The following NINJ2 variants were observed in gnomAD, a reference collection of about 807,000 sequenced individuals.
NINJ2 encodes the protein ninjurin-2.
NINJ2 carries 12 observed loss-of-function variants against 11.7 expected under a neutral mutation model. The ratio of observed to expected loss-of-function variants is 1.02; its 90% CI spans 0.66 to 1.66. The LOEUF (loss-of-function observed/expected upper bound fraction) is 1.66. NINJ2 is among the 40% of genes most tolerant of loss of function. The pLI is 0.00. For missense variants in NINJ2, 187 were observed against 181.8 expected (o/e 1.03, Z -0.16); for synonymous variants, 93 against 76.8 (o/e 1.21, Z -1.10).
In NINJ2 at chr12:658,101, C is replaced by G. The variant is rs1457284423; in HGVS notation, c.33+5227G>C. ...GCAACCTCCGCCTCCCGGGTTCAAG[C>G]GATTCTCCTGCCTTAGCCTCCCGAG... is the stretch of plus-strand genomic sequence containing the variant. On this transcript the variant is annotated intron_variant, in intron 1 of 3. Coordinates refer to ENST00000305108, the MANE Select transcript of NINJ2 (RefSeq NM_016533.6). 7.5e-5 allele frequency among the ~76,000 whole-genome samples: 11 copies of G among 147,280 alleles called. No individual in the cohort carries two copies. In the East Asian group the frequency reaches 1.6e-3, roughly 22 times the overall value.
At chr12:646,350 G>T (rs1285975467) in intron 1 of NINJ2, among the ~76,000 whole-genome samples, 4 of 152,200 alleles carry the variant, frequency 2.6e-5, no homozygotes, top group Admixed American at 2.6e-4. Flanking sequence ...CTGCAGGGAA[G>T]CTCTGTGGGG....
chr12:621,826 A>AAG (rs1176916627), intron 1 of NINJ2, among the ~76,000 whole-genome samples: 6 of 150,708 alleles, frequency 4.0e-5, no homozygotes, highest in African/African-American at 1.5e-4. Context: ...AGAAAAAAAA[A>AAG]AAAAAAGAGA....
At chr12:596,679 T>G (rs1278154210) in intron 1 of NINJ2, among the ~76,000 whole-genome samples, 1 of 152,052 alleles carries the variant, frequency 6.6e-6, no homozygotes, top group Non-Finnish European at 1.5e-5. Flanking sequence ...TCCCAGCACT[T>G]TGGGAGGTTG....
At chr12:651,098 G>C (rs1213581377) in intron 1 of NINJ2, among the ~76,000 whole-genome samples, 1 of 151,596 alleles carries the variant, frequency 6.6e-6, no homozygotes, top group East Asian at 1.9e-4. Flanking sequence ...CAGTCATGGG[G>C]GTGGGCATTG....
In NINJ2 at chr12:639,302, G is replaced by A. The variant is rs78946731; in HGVS notation, c.33+24026C>T. 4.2e-3 allele frequency among the ~76,000 whole-genome samples: 634 copies of A among 152,190 alleles called. 31 individuals carry two copies. In the East Asian group the frequency reaches 0.1, roughly 25 times the overall value. On this transcript the variant is annotated intron_variant, in intron 1 of 3. Coordinates refer to ENST00000305108, the MANE Select transcript of NINJ2 (RefSeq NM_016533.6). ...ATATGGGGCTGTCATTGCTCATAGT[G>A]CTTTACATGAATTAACTCATTTAAC...
At chr12:603,812 C>T (rs1192576166) in intron 1 of NINJ2, among the ~76,000 whole-genome samples, 1 of 152,074 alleles carries the variant, frequency 6.6e-6, no homozygotes, top group African/African-American at 2.4e-5. Context: ...AGGCACGCAC[C>T]ATCACACCTG....
intron 3 of NINJ2, among the ~76,000 whole-genome samples, 160 bp downstream of exon 3, chr12:565,057 C>T (rs1016359772): frequency 6.6e-6 from 1 of 152,236 alleles, no homozygotes; most frequent in South Asian, 2.1e-4. Flanking sequence ...GTGCAAGCCT[C>T]GCTGAGGCCA....
intron 1 of NINJ2, among the ~76,000 whole-genome samples, chr12:570,750 C>CA (rs1947364895): frequency 6.6e-6 from 1 of 152,368 alleles, no homozygotes; most frequent in Admixed American, 6.5e-5. Context: ...CCACCCGCCA[C>CA]AAGCGCACAG....
Position 595,275 on chromosome 12 carries a change from C to T in NINJ2, c.34-29097G>A, listed in dbSNP as rs73596223. Among the ~76,000 whole-genome samples the T allele has an allele frequency of 2.3e-3, 357 of 152,216 alleles. 1 individual carries two copies. The highest frequency in any genetic ancestry group is 8.0e-3 in the African/African-American group (334 of 41,538). Reference sequence around the variant, plus strand: ...ATAGGAGGAAATCTAGATGATGTAACGTAACATAGGATAGGATGACACAGG... The same window carrying T: ...ATAGGAGGAAATCTAGATGATGTAATGTAACATAGGATAGGATGACACAGG... On this transcript the variant is annotated intron_variant, in intron 1 of 3. Coordinates refer to ENST00000305108, the MANE Select transcript of NINJ2 (RefSeq NM_016533.6).
intron 1 of NINJ2, among the ~76,000 whole-genome samples, chr12:615,624 C>T (rs1482376322): frequency 6.6e-6 from 1 of 152,172 alleles, no homozygotes; most frequent in Non-Finnish European, 1.5e-5. Flanking sequence ...CTTCAAAGCC[C>T]AGCTCCACTG....
chr12:579,355 A>C (rs1791330876), intron 1 of NINJ2, among the ~76,000 whole-genome samples: 1 of 151,334 alleles, frequency 6.6e-6, no homozygotes, highest in Admixed American at 6.6e-5. Context: ...AGCTCCTAGC[A>C]CGAGCTAGGC....
intron 1 of NINJ2, among the ~76,000 whole-genome samples, chr12:576,843 C>G (rs1947468545): frequency 1.3e-5 from 2 of 152,188 alleles, no homozygotes; most frequent in African/African-American, 2.4e-5. Context: ...AGCACTTTCC[C>G]AATCAGCGCC....
chr12:650,876 CAA>C (rs1937776392), intron 1 of NINJ2, among the ~76,000 whole-genome samples: 1 of 152,094 alleles, frequency 6.6e-6, no homozygotes, highest in African/African-American at 2.4e-5. Context: ...TTCTTGGATC[CAA>C]AAGAGTGGGA....
intron 1 of NINJ2, among the ~76,000 whole-genome samples, chr12:659,211 C>T (rs12301300): frequency 0.22 from 32,869 of 151,746 alleles, 3,603 homozygotes; most frequent in South Asian, 0.28. Context: ...ATCTGTATCT[C>T]GCTCTACTTA....
In NINJ2 at chr12:617,074, C is replaced by T. The variant is rs557450952; in HGVS notation, c.33+46254G>A. On this transcript the variant is annotated intron_variant, in intron 1 of 3. Transcript: ENST00000305108. ...TACAAAAATTAGCCAGACGTGGTGG[C>T]GCACACCTGTAATCCCTGCTACTCG... Among the ~76,000 whole-genome samples, 190 of 152,240 alleles carry T rather than the reference C, an allele frequency of 1.2e-3. 1 individual carries two copies. The highest frequency in any genetic ancestry group is 1.6e-3 in the Non-Finnish European group (110 of 68,020).
intron 1 of NINJ2, among the ~76,000 whole-genome samples, chr12:641,530 A>G (rs6489689): frequency 1.3e-5 from 2 of 152,268 alleles, no homozygotes; most frequent in Middle Eastern, 3.4e-3. Flanking sequence ...TAGCTCTGAT[A>G]AGACTCTTGT....
rs1019300137 is a variant in NINJ2 at position 591,570 on chromosome 12, C to T, written c.34-25392G>A. On this transcript the variant is annotated intron_variant, in intron 1 of 3. Transcript: ENST00000305108. This position sits in a 1 kb window ranked among gnomAD's most constrained non-coding sequence, Gnocchi z 5.0. ...AAGCTCTCTGGATGGGCAGTGCTAG[C>T]GGAGTTCCATAGAGCTGGTCTTAAA... 1.3e-5 allele frequency among the ~76,000 whole-genome samples: 2 copies of T among 152,110 alleles called. No individual in the cohort carries two copies. Among genetic ancestry groups the T allele is most frequent in the African/African-American group, 2.4e-5 (1 of 41,398 alleles).
At chr12:566,432 C>T (rs1289924856) in intron 1 of NINJ2, among the ~76,000 whole-genome samples, 1 of 152,170 alleles carries the variant, frequency 6.6e-6, no homozygotes. Flanking sequence ...CACACCTTCA[C>T]ACATCTGGCT....
intron 1 of NINJ2, among the ~76,000 whole-genome samples, chr12:649,531 G>GTGTATA (rs139452771): frequency 0.14 from 18,178 of 127,788 alleles, 1,672 homozygotes; most frequent in South Asian, 0.24. Context: ...GTGTATATGT[G>GTGTATA]TATATATATA....
Sources: gnomAD v4.1 joint callset for allele counts (sites outside exome capture counted in the v4.1 genomes callset) on GRCh38, gnomAD v4.1.1 for gene constraint, Gnocchi (gnomAD v3.1) non-coding constraint, MANE v1.5 for transcripts, NCBI Gene and HGNC (gene_info 2026-07-23, HGNC 2026-07-21) for gene names.